Variants in RAB19 observed in about 807,000 individuals in gnomAD.
The protein encoded by RAB19 is ras-related protein Rab-19.
Under a neutral mutation model 17.3 loss-of-function variants are expected in RAB19, and 21 were observed. The ratio of observed to expected loss-of-function variants is 1.21; its 90% CI spans 0.86 to 1.74. The LOEUF (loss-of-function observed/expected upper bound fraction) is 1.74, where lower values mean the gene tolerates loss of function less well. Ranked by LOEUF, RAB19 falls within the 40% of genes most tolerant of loss-of-function variation. The pLI, the probability that RAB19 is intolerant of heterozygous loss-of-function variation, is 0.00. For synonymous variants in RAB19, 126 were observed against 110.4 expected (o/e 1.14, Z -0.88); for missense variants, 277 against 286.8 (o/e 0.97, Z 0.25).
chr7:140,425,285 C>CAAACAAAACAAAACA (rs540341868), intron 3 of RAB19, among the ~76,000 whole-genome samples: 4 of 151,476 alleles, frequency 2.6e-5, no homozygotes, highest in South Asian at 4.2e-4. Flanking sequence ...GACTCCATCT[C>CAAACAAAACAAAACA]AAACAAAACA....
At chr7:140,424,178 A>G (rs1162473078) in intron 3 of RAB19, among the ~76,000 whole-genome samples, 1 of 130,108 alleles carries the variant, frequency 7.7e-6, no homozygotes, top group Middle Eastern at 5.3e-3. Flanking sequence ...TTTTTTTGAC[A>G]TGCCGTTTCG....
intron 3 of RAB19, among the ~76,000 whole-genome samples, chr7:140,415,219 C>T (rs1328418664): frequency 6.6e-6 from 1 of 152,004 alleles, no homozygotes; most frequent in Admixed American, 6.6e-5. Flanking sequence ...GGATTACAGG[C>T]ACCTGCCATC....
chr7:140,405,264 A>G (rs991258320), intron 1 of RAB19, among the ~76,000 whole-genome samples: 1 of 152,140 alleles, frequency 6.6e-6, no homozygotes, highest in Non-Finnish European at 1.5e-5. Context: ...CTTGTTGCCC[A>G]GGCTGGACTG....
chr7:140,411,788 CTG>C (rs772221891), intron 2 of RAB19, 84 bp from the exon 3 acceptor site: 3 of 1,608,328 alleles, frequency 1.9e-6, no homozygotes, highest in Non-Finnish European at 2.6e-6. Flanking sequence ...ACCCAGAAAA[CTG>C]TGTTTTTAAG....
intron 1 of RAB19, among the ~76,000 whole-genome samples, chr7:140,404,919 G>A (rs73163256): frequency 0.16 from 23,643 of 152,176 alleles, 1,923 homozygotes; most frequent in Middle Eastern, 0.23. Flanking sequence ...ATAGCACGGA[G>A]CTAGACAGAT....
At chr7:140,412,557 G>T (rs909556849) in intron 3 of RAB19, among the ~76,000 whole-genome samples, 1 of 150,998 alleles carries the variant, frequency 6.6e-6, no homozygotes, top group African/African-American at 2.4e-5. Context: ...TTGTAAAGAC[G>T]GGGTTTTGCC....
At chr7:140,415,836 C>T (rs1037024976) in intron 3 of RAB19, among the ~76,000 whole-genome samples, 22 of 151,248 alleles carry the variant, frequency 1.5e-4, no homozygotes, top group African/African-American at 3.4e-4. Flanking sequence ...ACCCGGGAGG[C>T]GGAGGTTGCA....
chr7:140,407,515 G>A (rs1799265132), intron 1 of RAB19, 109 bp from the exon 2 acceptor site: 2 of 721,748 alleles, frequency 2.8e-6, no homozygotes, highest in South Asian at 3.4e-5. Context: ...AGCATCATTA[G>A]CATCGTCCTC....
At chr7:140,408,375 T>C (rs796465785) in intron 2 of RAB19, among the ~76,000 whole-genome samples, 2 of 151,998 alleles carry the variant, frequency 1.3e-5, no homozygotes, top group South Asian at 4.2e-4. Context: ...AAAATACTGC[T>C]GAATCTAACT....
At position 140,426,236 on chromosome 7, in the gene RAB19, C is replaced by T. The variant is rs944824743; in HGVS notation, c.*86C>T. On this transcript the variant is annotated 3_prime_UTR_variant, in exon 4 of 4. Transcript: ENST00000537763. ...GGATACCGTAGTGTTGCCCCAGTGG[C>T]GCTTTAGACCCCAGCGTGGACTTGC... The T allele has an allele frequency of 6.1e-6, 9 of 1,485,014 alleles. No homozygotes were observed. Among genetic ancestry groups the T allele is most frequent in the Admixed American group, 2.2e-5 (1 of 45,546 alleles). The allele number at this position is 1,485,014 out of a possible 1,614,324, so 92.0% of individuals were successfully genotyped here.
intron 3 of RAB19, among the ~76,000 whole-genome samples, chr7:140,420,088 C>A (rs899578776): frequency 1.3e-5 from 2 of 152,004 alleles, no homozygotes; most frequent in African/African-American, 4.8e-5. Flanking sequence ...GATAGACATG[C>A]AAGAGATTTA....
intron 3 of RAB19, among the ~76,000 whole-genome samples, chr7:140,417,221 G>A (rs1257403285): frequency 2.9e-5 from 4 of 136,988 alleles, no homozygotes; most frequent in African/African-American, 1.1e-4. Context: ...GGGTGACAGA[G>A]CGAGACTCTG....
intron 3 of RAB19, among the ~76,000 whole-genome samples, chr7:140,423,589 A>T (rs922901803): frequency 1.3e-5 from 2 of 152,226 alleles, no homozygotes; most frequent in Non-Finnish European, 2.9e-5. Context: ...GAAAAAAGAC[A>T]ATCTCAAAAG....
rs145901105 is a variant in RAB19, at chr7:140,405,242, C to T, written c.-24+1025C>T. On this transcript the variant is annotated intron_variant, in intron 1 of 3. Transcript: ENST00000537763. Reference sequence around the variant, plus strand: ...TTGTTTGTTTGTTTGTTTTTTGAAACGGAGTTTCGCTCTTGTTGCCCAGGC... The same window carrying T: ...TTGTTTGTTTGTTTGTTTTTTGAAATGGAGTTTCGCTCTTGTTGCCCAGGC... Among the ~76,000 whole-genome samples the T allele has an allele frequency of 4.7e-4, 68 of 146,134 alleles. 1 individual carries two copies. The East Asian group carries it at 0.012, about 26-fold the overall frequency.
chr7:140,415,195 C>T (rs559066611), intron 3 of RAB19, among the ~76,000 whole-genome samples: 1 of 152,116 alleles, frequency 6.6e-6, no homozygotes, highest in African/African-American at 2.4e-5. Context: ...CTGTCTCAGC[C>T]TCCCAAGCAG....
chr7:140,413,607 G>T (rs533687060), intron 3 of RAB19, among the ~76,000 whole-genome samples: 5 of 152,124 alleles, frequency 3.3e-5, no homozygotes, highest in South Asian at 2.1e-4. Context: ...AGGTTGGGGT[G>T]GGGGGAATCA....
At chr7:140,410,282 G>A (rs1255530814) in intron 2 of RAB19, among the ~76,000 whole-genome samples, 42 of 145,698 alleles carry the variant, frequency 2.9e-4, no homozygotes, top group African/African-American at 7.6e-4. Flanking sequence ...ACAGGCATGC[G>A]CCACCATGCC....
intron 3 of RAB19, among the ~76,000 whole-genome samples, chr7:140,424,617 CTCTATATA>C (rs1360962123): frequency 2.7e-5 from 2 of 73,096 alleles, no homozygotes; most frequent in African/African-American, 9.7e-5. Context: ...CTCTCTCTCT[CTCTATATA>C]TATATATATA....
intron 3 of RAB19, among the ~76,000 whole-genome samples, chr7:140,419,232 G>A (rs1376485334): frequency 1.3e-5 from 2 of 151,962 alleles, no homozygotes; most frequent in Admixed American, 1.3e-4. Flanking sequence ...ACCACGCCCA[G>A]CTAATTTTTG....
Sources: allele counts gnomAD v4.1 joint callset (sites outside exome capture counted in the v4.1 genomes callset), GRCh38; gene constraint gnomAD v4.1.1; transcripts MANE v1.5; gene names NCBI Gene and HGNC (gene_info 2026-07-23, HGNC 2026-07-21).